The following GRIK2 variants were observed in gnomAD, a reference collection of about 807,000 sequenced individuals.
The protein encoded by GRIK2 is glutamate ionotropic receptor kainate type subunit 2.
GRIK2 carries 32 observed loss-of-function variants against 100.3 expected under a neutral mutation model. The observed-to-expected ratio is 0.32, with a 90% CI of 0.24 to 0.43. The LOEUF (loss-of-function observed/expected upper bound fraction) is 0.43, where lower values mean the gene tolerates loss of function less well. GRIK2 is among the 20% of genes least tolerant of loss of function. The pLI is 1.00. For missense variants in GRIK2, 843 were observed against 1,114.9 expected (o/e 0.76, Z 3.47); for synonymous variants, 417 against 389.4 (o/e 1.07, Z -0.83).
At chr6:101,833,353 C>T (rs528016330) in intron 10 of GRIK2, among the ~76,000 whole-genome samples, 3 of 152,100 alleles carry the variant, frequency 2.0e-5, no homozygotes, top group South Asian at 2.1e-4. Context: ...GCCTCATCTT[C>T]CTAAGGAGCT....
chr6:101,829,970 G>A (rs561688685), intron 10 of GRIK2, among the ~76,000 whole-genome samples: 1 of 151,644 alleles, frequency 6.6e-6, no homozygotes, highest in South Asian at 2.1e-4. Context: ...AATATCTACG[G>A]CAACTCTATA....
intron 10 of GRIK2, among the ~76,000 whole-genome samples, chr6:101,825,975 C>A (rs1167174324): frequency 6.6e-6 from 1 of 152,072 alleles, no homozygotes; most frequent in Non-Finnish European, 1.5e-5. Flanking sequence ...TCATGCTCCA[C>A]ATGCATCAAA....
At position 101,789,539 on chromosome 6, in the gene GRIK2, G is replaced by A. The variant is rs1358393401; in HGVS notation, c.952-10109G>A. Among the ~76,000 whole-genome samples, 34 of 152,144 alleles carry A rather than the reference G, an allele frequency of 2.2e-4. No homozygotes were observed. The South Asian group carries it at 7.1e-3, about 32-fold the overall frequency. Reference sequence around the variant, plus strand: ...GTAGATACATGGCGTTATTTCTGAGGGCTCTGTTCTGTTCCATTGATCTGT... The same window carrying A: ...GTAGATACATGGCGTTATTTCTGAGAGCTCTGTTCTGTTCCATTGATCTGT... On this transcript the variant is annotated intron_variant, in intron 7 of 16. Coordinates refer to ENST00000369134, the MANE Select transcript of GRIK2 (RefSeq NM_021956.5).
intron 14 of GRIK2, among the ~76,000 whole-genome samples, chr6:101,932,973 A>G (rs1156409414): frequency 4.6e-5 from 7 of 151,934 alleles, no homozygotes; most frequent in African/African-American, 1.7e-4. Context: ...TGTCTAACTG[A>G]ATCTACTTAT....
intron 2 of GRIK2, among the ~76,000 whole-genome samples, chr6:101,500,154 A>T (rs1304517889): frequency 6.6e-6 from 1 of 152,132 alleles, no homozygotes; most frequent in Admixed American, 6.6e-5. Flanking sequence ...GCCTTAAAGT[A>T]AGTTCTATCT....
At chr6:101,949,379 G>A (rs1257120914) in intron 14 of GRIK2, among the ~76,000 whole-genome samples, 1 of 151,088 alleles carries the variant, frequency 6.6e-6, no homozygotes, top group South Asian at 2.1e-4. Context: ...TCTTTTTTTT[G>A]TTATCCTTTT....
chr6:101,541,450 A>G (rs948631349), intron 2 of GRIK2, among the ~76,000 whole-genome samples: 1 of 150,214 alleles, frequency 6.7e-6, no homozygotes, highest in Non-Finnish European at 1.5e-5. Context: ...TACAAACCCA[A>G]CCAAACAAAC....
intron 7 of GRIK2, among the ~76,000 whole-genome samples, chr6:101,698,715 G>C (rs1311768864): frequency 2.0e-5 from 3 of 152,082 alleles, no homozygotes; most frequent in African/African-American, 7.2e-5. Flanking sequence ...TAAATAAATA[G>C]ATAGATTACA....
intron 10 of GRIK2, among the ~76,000 whole-genome samples, chr6:101,828,991 A>T (rs1179167127): frequency 6.6e-6 from 1 of 152,062 alleles, no homozygotes; most frequent in Admixed American, 6.6e-5. Context: ...ATTCTTGATG[A>T]ACATAGACAC....
chr6:102,067,530 T>A (rs1772077148), intron 16 of GRIK2, among the ~76,000 whole-genome samples: 1 of 151,732 alleles, frequency 6.6e-6, no homozygotes, highest in South Asian at 2.1e-4. Flanking sequence ...GTTTCATATA[T>A]ATGACTCTAC....
chr6:101,976,330 T>C (rs1479685384), intron 14 of GRIK2, among the ~76,000 whole-genome samples: 1 of 151,956 alleles, frequency 6.6e-6, no homozygotes, highest in Non-Finnish European at 1.5e-5. Flanking sequence ...TTTTTCCAGA[T>C]TGTTTAGATG....
intron 7 of GRIK2, among the ~76,000 whole-genome samples, chr6:101,715,581 A>G (rs1399274546): frequency 6.6e-6 from 1 of 151,772 alleles, no homozygotes; most frequent in African/African-American, 2.4e-5. Flanking sequence ...CTTTAACTAT[A>G]CCAAGAATAT....
At chr6:101,580,794 G>C (rs914765453) in intron 2 of GRIK2, among the ~76,000 whole-genome samples, 2 of 151,962 alleles carry the variant, frequency 1.3e-5, no homozygotes, top group African/African-American at 4.8e-5. Context: ...ACACTTTGCT[G>C]TTCCTTTTAC....
intron 2 of GRIK2, among the ~76,000 whole-genome samples, chr6:101,530,592 A>C (rs1189437656): frequency 6.6e-6 from 1 of 152,032 alleles, no homozygotes; most frequent in Non-Finnish European, 1.5e-5. Flanking sequence ...AACCTTGAAG[A>C]ATACAAATTT....
At chr6:101,756,730 T>G (rs1777161097) in intron 7 of GRIK2, among the ~76,000 whole-genome samples, 1 of 152,190 alleles carries the variant, frequency 6.6e-6, no homozygotes, top group Admixed American at 6.5e-5. Flanking sequence ...TTATTTTTGG[T>G]GTTGAATTAA....
rs138813325 is a variant in GRIK2, at chr6:101,899,243, T to C, written c.1748+9380T>C. Among the ~76,000 whole-genome samples, 1,201 of 151,880 alleles carry C rather than the reference T, an allele frequency of 7.9e-3. 21 individuals are homozygous for C. Among genetic ancestry groups the C allele is most frequent in the African/African-American group, 0.027 (1,136 of 41,518 alleles). On this transcript the variant is annotated intron_variant, in intron 12 of 16. Transcript: ENST00000369134. ...AAACAAATGACCATGCAAACTATTC[T>C]ATTAACTTTTAATATGTATAGTTTT... is the stretch of plus-strand genomic sequence containing the variant.
intron 2 of GRIK2, among the ~76,000 whole-genome samples, chr6:101,614,094 G>A (rs1168363577): frequency 6.6e-6 from 1 of 151,746 alleles, no homozygotes; most frequent in East Asian, 2.0e-4. Context: ...TCTGAATGAT[G>A]AGTAGACCAG....
At chr6:101,706,517 G>A (rs1372225776) in intron 7 of GRIK2, among the ~76,000 whole-genome samples, 1 of 151,842 alleles carries the variant, frequency 6.6e-6, no homozygotes, top group Non-Finnish European at 1.5e-5. Flanking sequence ...TCTCCTTCAT[G>A]AAACAAATGA....
At chr6:101,490,948 C>T (rs1773071428) in intron 2 of GRIK2, among the ~76,000 whole-genome samples, 1 of 146,658 alleles carries the variant, frequency 6.8e-6, no homozygotes, top group African/African-American at 2.6e-5. Flanking sequence ...CATACACACA[C>T]ACCTTTTCCA....
Sources: gnomAD v4.1 joint callset for allele counts (sites outside exome capture counted in the v4.1 genomes callset) on GRCh38, gnomAD v4.1.1 for gene constraint, MANE v1.5 for transcripts, NCBI Gene and HGNC (gene_info 2026-07-23, HGNC 2026-07-21) for gene names.